Variants in GRXCR2 observed in about 807,000 individuals in gnomAD.
The protein encoded by GRXCR2 is glutaredoxin domain-containing cysteine-rich protein 2.
A neutral mutation model predicts 24.8 loss-of-function variants in GRXCR2; 23 were observed. The ratio of observed to expected loss-of-function variants is 0.93; its 90% confidence interval spans 0.67 to 1.32. The LOEUF (loss-of-function observed/expected upper bound fraction) is 1.32. Among genes scored for constraint, GRXCR2 ranks in the 40% most tolerant of loss-of-function variants. GRXCR2 has a pLI of 0.00. For synonymous variants in GRXCR2, 130 were observed against 116.1 expected (o/e 1.12, Z -0.77); for missense variants, 315 against 303.4 (o/e 1.04, Z -0.28).
chr5:145,895,119 T>C (rs1756930055), intron 2 of GRXCR2, among the ~76,000 whole-genome samples: 1 of 152,120 alleles, frequency 6.6e-6, no homozygotes, highest in African/African-American at 2.4e-5. Context: ...AAATTAGTTA[T>C]TGATGGGACG....
At chr5:145,866,951 A>G (rs923537523) in intron 1 of GRXCR2, among the ~76,000 whole-genome samples, 2 of 152,130 alleles carry the variant, frequency 1.3e-5, no homozygotes, top group African/African-American at 4.8e-5. Flanking sequence ...TGACCAATCA[A>G]AGCTGAACTA....
chr5:145,922,359 G>C (rs1479639914), intron 2 of GRXCR2, among the ~76,000 whole-genome samples: 2 of 152,170 alleles, frequency 1.3e-5, no homozygotes, highest in African/African-American at 4.8e-5. Flanking sequence ...TCAGCCAGGT[G>C]CCACCTCTTC....
At chr5:145,926,499 T>G (rs1357793457) in intron 2 of GRXCR2, among the ~76,000 whole-genome samples, 1 of 152,152 alleles carries the variant, frequency 6.6e-6, no homozygotes, top group African/African-American at 2.4e-5. Flanking sequence ...TTTCCCCATT[T>G]CTTGTCTTTG....
rs770653814 is a variant in GRXCR2, at chr5:145,859,854, G to C, written c.626C>G (p.Ser209Cys). The change falls in exon 3 of 3, where the codon TCT (serine) becomes TGT (cysteine). Residue 209 changes from serine to cysteine, a missense_variant. By Grantham distance (112) the Ser-to-Cys change is moderately radical. Transcript: ENST00000377976. ...HCRGSGSATCSLCHGSKFSML... is the reference protein window; with the variant it reads ...HCRGSGSATCCLCHGSKFSML... ...CGAGAACTTGCTGCCGTGGCACAGA[G>C]AGCAGGTGGCACTGCCCGACCCTCG... 2 of 1,612,734 alleles carry C rather than the reference G, an allele frequency of 1.2e-6. No individual in the cohort carries two copies. Among genetic ancestry groups the C allele is most frequent in the Non-Finnish European group, 1.7e-6 (2 of 1,179,210 alleles).
At chr5:145,891,660 T>C (rs1486391510) in intron 2 of GRXCR2, among the ~76,000 whole-genome samples, 2 of 152,032 alleles carry the variant, frequency 1.3e-5, no homozygotes, top group Admixed American at 6.6e-5. Context: ...TGGAGCCCAC[T>C]GCAGCTCAAG....
At chr5:145,879,923 C>A (rs564933425) in intron 2 of GRXCR2, among the ~76,000 whole-genome samples, 8 of 152,272 alleles carry the variant, frequency 5.3e-5, no homozygotes, top group African/African-American at 1.7e-4. Context: ...GGAAACTGAA[C>A]AACCTGCTCC....
At chr5:145,922,169 A>G (rs1757330795) in intron 2 of GRXCR2, among the ~76,000 whole-genome samples, 1 of 151,964 alleles carries the variant, frequency 6.6e-6, no homozygotes, top group African/African-American at 2.4e-5. Context: ...AAAGCCTGAC[A>G]CTCCTGCCAC....
At chr5:145,890,713 T>C (rs758385634) in intron 2 of GRXCR2, among the ~76,000 whole-genome samples, 6 of 151,474 alleles carry the variant, frequency 4.0e-5, no homozygotes, top group Admixed American at 1.3e-4. Flanking sequence ...AAAAACACCA[T>C]AGAAATACAA....
chr5:145,865,418 A>C (rs983573772), intron 2 of GRXCR2, among the ~76,000 whole-genome samples: 3 of 152,174 alleles, frequency 2.0e-5, no homozygotes, highest in Non-Finnish European at 2.9e-5. Flanking sequence ...GTGCGTGCAC[A>C]CTTCTAAGGG....
chr5:145,886,410 G>A, intron 2 of GRXCR2, among the ~76,000 whole-genome samples: 1 of 152,146 alleles, frequency 6.6e-6, no homozygotes, highest in East Asian at 1.9e-4. Context: ...GTTACCAGAG[G>A]ACCCAGTAGA....
At position 145,866,561 on chromosome 5, in the gene GRXCR2, G is replaced by A; in HGVS notation, c.504C>T (p.Asp168=). ...CCTCCACCAAAGGTCTATCGTGCTG[G>A]TCCCTGCCTCCATAGCTTTCTTCTT... ...MNKEESYGGR[D]QHDRPLVEAE... is the part of the protein sequence containing the mutation. Residue 168 remains aspartate (D), a synonymous_variant, in exon 2 of 3, where the codon GAC becomes GAT. Coordinates refer to ENST00000377976, the MANE Select transcript of GRXCR2 (RefSeq NM_001080516.2). The A allele has an allele frequency of 6.2e-7, 1 of 1,614,156 alleles. No individual in the cohort carries two copies. Among genetic ancestry groups the A allele is most frequent in the Non-Finnish European group, 8.5e-7 (1 of 1,180,010 alleles).
At chr5:145,883,447 A>G (rs1000411616) in intron 2 of GRXCR2, among the ~76,000 whole-genome samples, 1 of 152,224 alleles carries the variant, frequency 6.6e-6, no homozygotes, top group East Asian at 1.9e-4. Flanking sequence ...GCTAAATTCA[A>G]TAATAGGAAA....
At chr5:145,872,542 C>T in intron 1 of GRXCR2, 91 bp downstream of exon 1, 4 of 1,098,972 alleles carry the variant, frequency 3.6e-6, no homozygotes, top group Non-Finnish European at 3.9e-6. Context: ...GGAGGGGGAG[C>T]AAGACACAAA....
At chr5:145,930,312 C>T (rs1352119191) in intron 2 of GRXCR2, among the ~76,000 whole-genome samples, 2 of 151,946 alleles carry the variant, frequency 1.3e-5, no homozygotes, top group African/African-American at 2.4e-5. Flanking sequence ...CTCAAACTCC[C>T]GGCCTCAAGT....
chr5:145,866,458 G>A (rs1182426572), intron 2 of GRXCR2, 43 bp downstream of exon 2: 4 of 1,450,004 alleles, frequency 2.8e-6, no homozygotes, highest in East Asian at 2.3e-5. Flanking sequence ...GACCATTGCT[G>A]TAGGGCCAGC....
chr5:145,860,675 AT>A (rs761158543), intron 2 of GRXCR2, among the ~76,000 whole-genome samples: 34 of 152,320 alleles, frequency 2.2e-4, no homozygotes, highest in Admixed American at 1.3e-3. Context: ...AGGCCCAGTG[AT>A]TAAGAGCTCT....
At chr5:145,906,210 C>T (rs1757088387) in intron 2 of GRXCR2, among the ~76,000 whole-genome samples, 1 of 152,116 alleles carries the variant, frequency 6.6e-6, no homozygotes, top group South Asian at 2.1e-4. Context: ...CTCTCACTCT[C>T]CTCTGGGGAT....
At chr5:145,889,237 A>AAAGAAAGG (rs1561683200) in intron 2 of GRXCR2, among the ~76,000 whole-genome samples, 5 of 151,182 alleles carry the variant, frequency 3.3e-5, no homozygotes, top group Non-Finnish European at 7.4e-5. Flanking sequence ...AGAAAGAAAG[A>AAAGAAAGG]AAGAAAGAAT....
chr5:145,859,924 G>A lies in GRXCR2; in HGVS notation c.565-9C>T. Reference sequence around the variant, plus strand: ...TCGGGAATATCCCCTTCCTGCAAGAGACAGGTTAGGGTTTAGTTAAAGCAG... The same window carrying A: ...TCGGGAATATCCCCTTCCTGCAAGAAACAGGTTAGGGTTTAGTTAAAGCAG... On this transcript the variant is annotated splice_polypyrimidine_tract_variant and intron_variant, in intron 2 of 2. Coordinates refer to ENST00000377976, the MANE Select transcript of GRXCR2 (RefSeq NM_001080516.2). 3.8e-6 allele frequency: 6 copies of A among 1,558,804 alleles called. No homozygotes were observed. The highest frequency in any genetic ancestry group is 5.2e-6 in the Non-Finnish European group (6 of 1,152,252).
Sources: gnomAD v4.1 joint callset for allele counts (sites outside exome capture counted in the v4.1 genomes callset) on GRCh38, gnomAD v4.1.1 for gene constraint, MANE v1.5 for transcripts, NCBI Gene and HGNC (gene_info 2026-07-23, HGNC 2026-07-21) for gene names.